Variants in TMEM132D observed in about 807,000 individuals in gnomAD.
TMEM132D encodes the protein mature OL transmembrane protein.
A neutral mutation model predicts 62.3 loss-of-function variants in TMEM132D; 21 were observed. The ratio of observed to expected loss-of-function variants is 0.34; its 90% CI spans 0.24 to 0.49. TMEM132D has a LOEUF of 0.49. Among genes scored for constraint, TMEM132D ranks in the 20% least tolerant of loss-of-function variants. The probability of loss-of-function intolerance (pLI) is 0.99; values close to 1 mark genes in which losing one functional copy is unlikely to be tolerated. For synonymous variants in TMEM132D, 621 were observed against 575.6 expected (o/e 1.08, Z -1.13); for missense variants, 1,346 against 1,402.8 (o/e 0.96, Z 0.65).
At chr12:129,151,867 C>T (rs953311338) in intron 5 of TMEM132D, among the ~76,000 whole-genome samples, 8 of 149,378 alleles carry the variant, frequency 5.4e-5, no homozygotes, top group African/African-American at 2.0e-4. Context: ...TAATGTGGAC[C>T]ACGTGATTCA....
intron 1 of TMEM132D, among the ~76,000 whole-genome samples, chr12:129,759,977 C>T (rs577048575): frequency 6.6e-6 from 1 of 152,134 alleles, no homozygotes; most frequent in South Asian, 2.1e-4. Context: ...GCAATCATAG[C>T]TCACTGCAGC....
intron 5 of TMEM132D, among the ~76,000 whole-genome samples, chr12:129,186,277 T>C (rs1878220175): frequency 6.6e-6 from 1 of 152,188 alleles, no homozygotes; most frequent in Non-Finnish European, 1.5e-5. Context: ...GTGTAACTTA[T>C]CCAGGTTGGC....
intron 1 of TMEM132D, among the ~76,000 whole-genome samples, chr12:129,775,002 T>C (rs1870872992): frequency 9.0e-6 from 1 of 111,300 alleles, no homozygotes; most frequent in Non-Finnish European, 2.2e-5. Context: ...CAGGCCTTCA[T>C]AAAGCACTGG....
At chr12:129,077,746 TACAACACACGATACATTC>T (rs1874317670) in intron 8 of TMEM132D, among the ~76,000 whole-genome samples, 2 of 151,614 alleles carry the variant, frequency 1.3e-5, no homozygotes, top group Non-Finnish European at 1.5e-5. Flanking sequence ...AATGCATACA[TACAACACACGATACATTC>T]ACAACACACA....
intron 2 of TMEM132D, among the ~76,000 whole-genome samples, chr12:129,670,431 G>A (rs760153590): frequency 6.6e-5 from 10 of 152,176 alleles, no homozygotes; most frequent in East Asian, 1.9e-4. Flanking sequence ...GACCCTGCAC[G>A]TGATGAGTCA....
chr12:129,691,867 T>A (rs1290535695), intron 2 of TMEM132D, among the ~76,000 whole-genome samples: 1 of 151,996 alleles, frequency 6.6e-6, no homozygotes, highest in South Asian at 2.1e-4. Context: ...TTAAGATAGA[T>A]GGATTCCTTG....
intron 1 of TMEM132D, among the ~76,000 whole-genome samples, chr12:129,711,063 C>T (rs1221870378): frequency 7.1e-6 from 1 of 141,064 alleles, no homozygotes; most frequent in Non-Finnish European, 1.7e-5. Flanking sequence ...TCCTCAACCT[C>T]CACTAAAAAA....
intron 5 of TMEM132D, among the ~76,000 whole-genome samples, chr12:129,164,025 C>T: frequency 6.6e-6 from 1 of 152,200 alleles, no homozygotes; most frequent in East Asian, 1.9e-4. Flanking sequence ...CTGGTGGGAA[C>T]TGAGGATCCA....
chr12:129,189,623 A>T (rs1463915682), intron 5 of TMEM132D, among the ~76,000 whole-genome samples: 1 of 152,176 alleles, frequency 6.6e-6, no homozygotes, highest in Non-Finnish European at 1.5e-5. Flanking sequence ...GGGAAATCAC[A>T]GGAGAATGCA....
intron 3 of TMEM132D, among the ~76,000 whole-genome samples, chr12:129,524,570 C>CA (rs918487539): frequency 7.2e-5 from 11 of 152,006 alleles, no homozygotes; most frequent in South Asian, 2.1e-4. Flanking sequence ...CTGCTATTAC[C>CA]AAAAAAACGG....
chr12:129,836,848 C>T (rs1016666549), intron 1 of TMEM132D, among the ~76,000 whole-genome samples: 1 of 152,132 alleles, frequency 6.6e-6, no homozygotes, highest in Non-Finnish European at 1.5e-5. Flanking sequence ...TATATCTCTA[C>T]AAACTTAAAG....
At chr12:129,513,952 C>A (rs1393937467) in intron 3 of TMEM132D, among the ~76,000 whole-genome samples, 1 of 151,652 alleles carries the variant, frequency 6.6e-6, no homozygotes, top group Non-Finnish European at 1.5e-5. Flanking sequence ...ATTCTCCTGC[C>A]TCAGCCTCCC....
chr12:129,275,312 A>G (rs1880974684), intron 4 of TMEM132D, among the ~76,000 whole-genome samples: 1 of 152,122 alleles, frequency 6.6e-6, no homozygotes, highest in South Asian at 2.1e-4. Context: ...AAATAATAAT[A>G]AAAATAACTC....
chr12:129,636,388 T>C (rs1879476270), intron 2 of TMEM132D, among the ~76,000 whole-genome samples: 1 of 152,214 alleles, frequency 6.6e-6, no homozygotes, highest in African/African-American at 2.4e-5. Flanking sequence ...TGGTATTTCA[T>C]TGCTACAAAC....
At position 129,267,211 on chromosome 12, in the gene TMEM132D, G is replaced by A. The variant is rs892903409; in HGVS notation, c.1300-57548C>T. ...TTTTCAGGCAGGAGAAAGAAATAAA[G>A]GGTATTCAATTAGGAAAAGAGGAAG... On this transcript the variant is annotated intron_variant, in intron 4 of 8. Coordinates refer to ENST00000422113, the MANE Select transcript of TMEM132D (RefSeq NM_133448.3). Among the ~76,000 whole-genome samples, 9 of 152,078 alleles carry A rather than the reference G, an allele frequency of 5.9e-5. 1 individual carries two copies. In the East Asian group the frequency reaches 1.7e-3, roughly 29 times the overall value.
intron 1 of TMEM132D, among the ~76,000 whole-genome samples, chr12:129,817,053 T>C (rs897262615): frequency 1.1e-4 from 17 of 152,110 alleles, no homozygotes; most frequent in African/African-American, 3.9e-4. Flanking sequence ...TAGAAATGGG[T>C]TCTATGAAAA....
chr12:129,377,085 G>A (rs971027543), intron 3 of TMEM132D, among the ~76,000 whole-genome samples: 3 of 152,104 alleles, frequency 2.0e-5, no homozygotes, highest in African/African-American at 7.2e-5. Context: ...ACATTGTATT[G>A]TGTCTCAGTT....
chr12:129,624,557 G>A (rs1049532418), intron 2 of TMEM132D, among the ~76,000 whole-genome samples: 5 of 152,268 alleles, frequency 3.3e-5, no homozygotes, highest in Non-Finnish European at 7.3e-5. Flanking sequence ...AGACAGCACA[G>A]TGGCATCCAG....
At chr12:129,328,999 CAT>C (rs535934680) in intron 4 of TMEM132D, among the ~76,000 whole-genome samples, 1 of 147,412 alleles carries the variant, frequency 6.8e-6, no homozygotes, top group South Asian at 2.1e-4. Context: ...ATGTAAAGAA[CAT>C]ATATATATAA....
Sources: allele counts gnomAD v4.1 joint callset (sites outside exome capture counted in the v4.1 genomes callset), GRCh38; gene constraint gnomAD v4.1.1; transcripts MANE v1.5; gene names NCBI Gene and HGNC (gene_info 2026-07-23, HGNC 2026-07-21).